TMEM178A: variants seen among roughly 807,000 people sequenced by gnomAD.
TMEM178A encodes transmembrane protein 178A.
In TMEM178A, 12 loss-of-function variants were observed where a neutral mutation model predicts 29.1. The observed-to-expected ratio is 0.41, with a 90% CI of 0.26 to 0.67. TMEM178A has a LOEUF of 0.67. Ranked by LOEUF, TMEM178A falls within the 30% of genes least tolerant of loss-of-function variation. The pLI is 0.29. For synonymous variants in TMEM178A, 210 were observed against 187.2 expected (o/e 1.12, Z -0.99); for missense variants, 366 against 419.1 (o/e 0.87, Z 1.11).
At chr2:39,678,473 C>A (rs1315679345) in intron 1 of TMEM178A, among the ~76,000 whole-genome samples, 2 of 152,046 alleles carry the variant, frequency 1.3e-5, no homozygotes, top group African/African-American at 4.8e-5. Context: ...TGAAAGAAGT[C>A]AGACACCAAA....
intron 1 of TMEM178A, among the ~76,000 whole-genome samples, chr2:39,702,003 G>A (rs891311504): frequency 4.6e-5 from 7 of 151,874 alleles, no homozygotes; most frequent in African/African-American, 1.7e-4. Flanking sequence ...ATTTAAAATA[G>A]CTGATTTAAA....
At chr2:39,681,369 T>G (rs1284347880) in intron 1 of TMEM178A, among the ~76,000 whole-genome samples, 1 of 152,198 alleles carries the variant, frequency 6.6e-6, no homozygotes, top group African/African-American at 2.4e-5. Context: ...ATGTATATGA[T>G]CTAAGGTATT....
chr2:39,680,946 CTTTAA>C lies in TMEM178A; in HGVS notation c.400+14581_400+14585del, dbSNP rs138653798. Among the ~76,000 whole-genome samples the C allele has an allele frequency of 9.0e-3, 1,367 of 151,952 alleles. 25 individuals carry two copies. Among genetic ancestry groups the C allele is most frequent in the African/African-American group, 0.031 (1,303 of 41,436 alleles). ...AATACCTGGAAGTTATACTTAATCA[CTTTAA>C]TTTAATTTGTATTATGAATCTGGAT... is the stretch of plus-strand genomic sequence containing the variant. On this transcript the variant is annotated intron_variant, in intron 1 of 3. Transcript: ENST00000281961.
the TMEM178A span, among the ~76,000 whole-genome samples, chr2:39,727,092 C>T: frequency 1.4e-4 from 22 of 152,110 alleles, no homozygotes; most frequent in African/African-American, 3.6e-4. Flanking sequence ...TTCTCTCTGC[C>T]GAGGTGTTCC....
In TMEM178A at chr2:39,711,504, C is replaced by G. The variant is rs528201362; in HGVS notation, c.652+4318C>G. Among the ~76,000 whole-genome samples the G allele has an allele frequency of 2.6e-5, 4 of 152,228 alleles. No homozygotes were observed. The South Asian group carries it at 8.3e-4, about 32-fold the overall frequency. Reference sequence around the variant, plus strand: ...CACAGGCTGTGCCTTGAGTGGCCAACTGGAAGATCACACACAGCATGAGAC... The same window carrying G: ...CACAGGCTGTGCCTTGAGTGGCCAAGTGGAAGATCACACACAGCATGAGAC... On this transcript the variant is annotated intron_variant, in intron 3 of 3. Coordinates refer to ENST00000281961, the MANE Select transcript of TMEM178A (RefSeq NM_152390.3).
intron 1 of TMEM178A, among the ~76,000 whole-genome samples, chr2:39,694,100 G>T (rs1257715235): frequency 2.0e-5 from 3 of 150,794 alleles, no homozygotes; most frequent in East Asian, 1.9e-4. Context: ...ACTCACCTGA[G>T]TCTTGCCTTT....
intron 1 of TMEM178A, among the ~76,000 whole-genome samples, chr2:39,698,754 T>C (rs1009885198): frequency 6.6e-6 from 1 of 152,126 alleles, no homozygotes. Flanking sequence ...CCTTAAACAT[T>C]TGGTTAAATT....
chr2:39,731,660 T>A, the TMEM178A span, among the ~76,000 whole-genome samples: 1 of 152,298 alleles, frequency 6.6e-6, no homozygotes, highest in African/African-American at 2.4e-5. Flanking sequence ...AACCATCACG[T>A]TGGGAATCAA....
intron 1 of TMEM178A, among the ~76,000 whole-genome samples, chr2:39,699,801 A>C (rs1671703657): frequency 6.6e-6 from 1 of 151,988 alleles, no homozygotes; most frequent in Non-Finnish European, 1.5e-5. Flanking sequence ...ATTTCCCTCA[A>C]AATTATTGCT....
At chr2:39,735,248 G>GTATC in the TMEM178A span, among the ~76,000 whole-genome samples, 1 of 152,134 alleles carries the variant, frequency 6.6e-6, no homozygotes, top group East Asian at 1.9e-4. Flanking sequence ...TATGCCAGGA[G>GTATC]TATCTCTCTC....
intron 1 of TMEM178A, among the ~76,000 whole-genome samples, chr2:39,695,089 T>C (rs1219528852): frequency 6.6e-6 from 1 of 152,208 alleles, no homozygotes; most frequent in Non-Finnish European, 1.5e-5. Context: ...CCTGCTTTGC[T>C]CTGAAATTAA....
the TMEM178A span, among the ~76,000 whole-genome samples, chr2:39,723,097 T>C: frequency 6.6e-6 from 1 of 152,230 alleles, no homozygotes; most frequent in Non-Finnish European, 1.5e-5. Flanking sequence ...GGGCATTTCA[T>C]TCTTTAATCA....
chr2:39,722,994 C>T, the TMEM178A span, among the ~76,000 whole-genome samples: 1 of 152,182 alleles, frequency 6.6e-6, no homozygotes, highest in Non-Finnish European at 1.5e-5. Flanking sequence ...GCATGGAAAC[C>T]TTGCTATAGC....
chr2:39,700,121 G>C (rs923115504), intron 1 of TMEM178A, among the ~76,000 whole-genome samples: 2 of 152,142 alleles, frequency 1.3e-5, no homozygotes, highest in African/African-American at 4.8e-5. Context: ...GTATTTTGCT[G>C]TTGTTGGATG....
the TMEM178A span, among the ~76,000 whole-genome samples, chr2:39,729,211 G>A: frequency 1.3e-5 from 2 of 151,896 alleles, no homozygotes; most frequent in East Asian, 1.9e-4. Context: ...CACCCCTGCC[G>A]GGGATCCACA....
At chr2:39,725,868 G>A in the TMEM178A span, among the ~76,000 whole-genome samples, 1 of 152,192 alleles carries the variant, frequency 6.6e-6, no homozygotes, top group African/African-American at 2.4e-5. Flanking sequence ...GGCAAAAATA[G>A]GGACATCTCA....
At chr2:39,683,677 C>T (rs943830895) in intron 1 of TMEM178A, among the ~76,000 whole-genome samples, 1 of 152,216 alleles carries the variant, frequency 6.6e-6, no homozygotes, top group Non-Finnish European at 1.5e-5. Flanking sequence ...TGTATGCCAC[C>T]TATTTTGGCA....
chr2:39,696,676 G>A (rs1671559309), intron 1 of TMEM178A, among the ~76,000 whole-genome samples: 1 of 152,146 alleles, frequency 6.6e-6, no homozygotes, highest in Admixed American at 6.5e-5. Flanking sequence ...AGTAATGACT[G>A]TTTATAGCAT....
chr2:39,730,914 T>C, the TMEM178A span, among the ~76,000 whole-genome samples: 2 of 152,332 alleles, frequency 1.3e-5, no homozygotes, highest in Non-Finnish European at 2.9e-5. Context: ...TGTTGGTTCA[T>C]AGCACACAGA....
Sources: gnomAD v4.1 joint callset for allele counts (sites outside exome capture counted in the v4.1 genomes callset) on GRCh38, gnomAD v4.1.1 for gene constraint, MANE v1.5 for transcripts, NCBI Gene and HGNC (gene_info 2026-07-23, HGNC 2026-07-21) for gene names.